Variants in DMD observed in about 807,000 individuals in gnomAD.
DMD encodes the protein dystrophin.
Under a neutral mutation model 330.1 loss-of-function variants are expected in DMD, and 63 were observed. The ratio of observed to expected loss-of-function variants is 0.19; its 90% CI spans 0.16 to 0.24. DMD has a LOEUF of 0.24. DMD is among the 10% of genes least tolerant of loss of function. DMD has a pLI of 1.00. For missense variants in DMD, 3,344 were observed against 2,684.1 expected, an observed-to-expected ratio of 1.25 and a Z score of -5.43; for synonymous variants, 1,223 against 959.8, an observed-to-expected ratio of 1.27 and a Z score of -5.07.
chrX:33,333,937 TGA>T (rs1374624163), intron 1 of DMD, among the ~76,000 whole-genome samples: 1 of 111,053 alleles, frequency 9.0e-6, no homozygotes, highest in Non-Finnish European at 1.9e-5. Flanking sequence ...CCAAAGCTGC[TGA>T]GAGAGTCTAT....
rs72468624 is a variant in DMD, at chrX:32,346,197, A to G, written c.5449-117T>C. ...CACAAAAATCCAATTTAAAACTTTC[A>G]TGGAATGCTATTATAAGATACTGTG... is the stretch of plus-strand genomic sequence containing the variant. On this transcript the variant is annotated intron_variant, in intron 38 of 78. Coordinates refer to ENST00000357033, the MANE Select transcript of DMD (RefSeq NM_004006.3). 3,451 of 781,420 alleles carry G rather than the reference A, an allele frequency of 4.4e-3. 121 individuals are homozygous for G. In the East Asian group the frequency reaches 0.1, roughly 23 times the overall value. 64.4% of individuals were successfully genotyped at this position (781,420 alleles called of 1,213,427 possible).
intron 51 of DMD, among the ~76,000 whole-genome samples, chrX:31,743,734 A>G (rs751637977): frequency 8.0e-5 from 9 of 112,144 alleles, no homozygotes; most frequent in Non-Finnish European, 1.3e-4. Context: ...ACTATCGGTT[A>G]CTATGCTCAG....
chrX:32,830,067 G>A (rs1328617007), intron 4 of DMD, among the ~76,000 whole-genome samples: 1 of 111,579 alleles, frequency 9.0e-6, no homozygotes, highest in Non-Finnish European at 1.9e-5. Context: ...GACTCTAGAG[G>A]AGGGAGGTAT....
intron 2 of DMD, among the ~76,000 whole-genome samples, chrX:32,990,959 A>T (rs184848953): frequency 1.3e-4 from 14 of 111,627 alleles, no homozygotes; most frequent in Admixed American, 3.8e-4. Context: ...TGGACTTAAA[A>T]GAACATGGTA....
intron 44 of DMD, among the ~76,000 whole-genome samples, chrX:32,016,350 C>T (rs768287045): frequency 6.5e-4 from 73 of 111,577 alleles, no homozygotes; most frequent in African/African-American, 2.3e-3. Context: ...TAGTACCACC[C>T]GAGTGAAGTC....
chrX:31,856,108 T>G (rs768644717), intron 48 of DMD, among the ~76,000 whole-genome samples: 2 of 111,872 alleles, frequency 1.8e-5, no homozygotes, highest in African/African-American at 6.5e-5. Flanking sequence ...TAAGAGAAAG[T>G]AAACAATCCA....
At chrX:33,094,394 C>G (rs1005587243) in intron 1 of DMD, among the ~76,000 whole-genome samples, 1 of 111,752 alleles carries the variant, frequency 8.9e-6, no homozygotes, top group Non-Finnish European at 1.9e-5. Context: ...GCCAGAGAAA[C>G]ATAGAAAGAG....
At chrX:32,975,010 A>G (rs1196261996) in intron 2 of DMD, among the ~76,000 whole-genome samples, 1 of 112,069 alleles carries the variant, frequency 8.9e-6, no homozygotes, top group Non-Finnish European at 1.9e-5. Context: ...TTAATGTGTT[A>G]TTGTTTTCAA....
intron 53 of DMD, among the ~76,000 whole-genome samples, chrX:31,658,934 T>G (rs939768275): frequency 8.9e-6 from 1 of 112,027 alleles, no homozygotes; most frequent in African/African-American, 3.2e-5. Flanking sequence ...ATTGTTAAGA[T>G]AGTTATATCA....
chrX:33,090,030 C>T (rs192481012), intron 1 of DMD, among the ~76,000 whole-genome samples: 1 of 111,725 alleles, frequency 9.0e-6, no homozygotes, highest in Non-Finnish European at 1.9e-5. Flanking sequence ...CACAAAGTTA[C>T]TGTGTAATCT....
At chrX:32,235,967 A>C (rs1310910108) in intron 43 of DMD, among the ~76,000 whole-genome samples, 1 of 111,942 alleles carries the variant, frequency 8.9e-6, no homozygotes, top group Non-Finnish European at 1.9e-5. Context: ...AGGATGAAGA[A>C]TAATTTTTCT....
chrX:33,255,226 G>A (rs1004819780), intron 1 of DMD, among the ~76,000 whole-genome samples: 8 of 110,766 alleles, frequency 7.2e-5, no homozygotes, highest in Admixed American at 1.9e-4. Context: ...AATCTAAGTG[G>A]AAGTCCAAGG....
intron 43 of DMD, among the ~76,000 whole-genome samples, chrX:32,232,706 A>T (rs1000410680): frequency 1.2e-4 from 13 of 111,722 alleles, no homozygotes; most frequent in African/African-American, 3.9e-4. Context: ...CATTCATTAA[A>T]TTTTTTCTTT....
intron 55 of DMD, among the ~76,000 whole-genome samples, chrX:31,575,265 A>T (rs2076040205): frequency 8.9e-6 from 1 of 112,084 alleles, no homozygotes; most frequent in African/African-American, 3.2e-5. Context: ...TTTTTCACAT[A>T]AAATTGGTGC....
intron 60 of DMD, among the ~76,000 whole-genome samples, chrX:31,379,872 C>T (rs1212285124): frequency 9.0e-6 from 1 of 111,687 alleles, no homozygotes; most frequent in Non-Finnish European, 1.9e-5. Flanking sequence ...CACTGAAAAT[C>T]GGACTGTTCA....
At chrX:32,770,314 T>A (rs1453305804) in intron 7 of DMD, among the ~76,000 whole-genome samples, 3 of 111,355 alleles carry the variant, frequency 2.7e-5, no homozygotes, top group Non-Finnish European at 3.8e-5. Flanking sequence ...TGGGCAGCAG[T>A]TTTGGGGGAT....
intron 55 of DMD, among the ~76,000 whole-genome samples, chrX:31,516,157 AAAAAT>A (rs753954651): frequency 3.6e-5 from 4 of 110,987 alleles, no homozygotes; most frequent in Admixed American, 9.7e-5. Context: ...ACAGCAATCT[AAAAAT>A]AAAAAGCATC....
rs968701911 is a variant in DMD at position 31,861,643 on chromosome X, T to A, written c.7098+13545A>T. Among the ~76,000 whole-genome samples, 287 of 92,961 alleles carry A rather than the reference T, an allele frequency of 3.1e-3. 2 individuals are homozygous for A. The highest frequency in any genetic ancestry group is 8.7e-3 in the African/African-American group (205 of 23,566). The allele number at this position is 92,961 out of a possible 115,157, so 80.7% of individuals were successfully genotyped here. ...CTAATACAGAAAATAATCACCTGTG[T>A]GTGTGTGTGTGTGTGTGTGTGTGTA... On this transcript the variant is annotated intron_variant, in intron 48 of 78. Coordinates refer to ENST00000357033, the MANE Select transcript of DMD (RefSeq NM_004006.3).
chrX:33,195,232 G>A (rs768745832), intron 1 of DMD, among the ~76,000 whole-genome samples: 4 of 111,531 alleles, frequency 3.6e-5, no homozygotes, highest in Non-Finnish European at 5.6e-5. Flanking sequence ...TGGACATTCC[G>A]TTCTAAGTCT....
Sources: allele counts gnomAD v4.1 joint callset (sites outside exome capture counted in the v4.1 genomes callset), GRCh38; gene constraint gnomAD v4.1.1; transcripts MANE v1.5; gene names NCBI Gene and HGNC (gene_info 2026-07-23, HGNC 2026-07-21).